VAMP7: variants seen among roughly 807,000 people sequenced by gnomAD.
VAMP7 encodes vesicle-associated membrane protein 7.
In VAMP7, 14 loss-of-function variants were observed where a neutral mutation model predicts 29.6. That is an observed-to-expected ratio of 0.47 (90% CI 0.31 to 0.74). The LOEUF (loss-of-function observed/expected upper bound fraction) is 0.74, where lower values mean the gene tolerates loss of function less well. VAMP7 is among the 30% of genes least tolerant of loss of function. VAMP7 has a pLI of 0.05. For missense variants in VAMP7, 223 were observed against 262.4 expected, an observed-to-expected ratio of 0.85 and a Z score of 1.04; for synonymous variants, 95 against 88.1, an observed-to-expected ratio of 1.08 and a Z score of -0.44.
At chrX:155,897,552 AAC>A (rs1190300797) in intron 3 of VAMP7, among the ~76,000 whole-genome samples, 1 of 152,140 alleles carries the variant, frequency 6.6e-6, no homozygotes, top group Non-Finnish European at 1.5e-5. Flanking sequence ...TGTATACATA[AAC>A]ACACATACAC....
intron 6 of VAMP7, among the ~76,000 whole-genome samples, chrX:155,923,778 C>G (rs1441700528): frequency 1.3e-5 from 2 of 152,038 alleles, no homozygotes; most frequent in Non-Finnish European, 2.9e-5. Context: ...GAAGCTGTCC[C>G]ACAACTCACT....
intron 6 of VAMP7, among the ~76,000 whole-genome samples, chrX:155,938,714 G>A (rs770899008): frequency 6.6e-6 from 1 of 152,286 alleles, no homozygotes; most frequent in South Asian, 2.1e-4. Flanking sequence ...TACTCAGGAG[G>A]CTGAGGTGGG....
intron 6 of VAMP7, among the ~76,000 whole-genome samples, chrX:155,929,181 C>G (rs1469853756): frequency 6.6e-6 from 1 of 152,110 alleles, no homozygotes; most frequent in Non-Finnish European, 1.5e-5. Context: ...ACAGTTTACA[C>G]GTTTTTTATT....
At chrX:155,904,977 C>T (rs776397866) in intron 5 of VAMP7, among the ~76,000 whole-genome samples, 147 of 150,752 alleles carry the variant, frequency 9.8e-4, no homozygotes, top group African/African-American at 3.4e-3. Flanking sequence ...GATCACATGG[C>T]AACTTTGTAA....
At chrX:155,902,557 T>C (rs1245080969) in intron 5 of VAMP7, among the ~76,000 whole-genome samples, 1 of 151,178 alleles carries the variant, frequency 6.6e-6, no homozygotes, top group Admixed American at 6.6e-5. Context: ...ATACCTAATT[T>C]ATTGAGAGTT....
chrX:155,907,157 G>A (rs2066158581), intron 5 of VAMP7, among the ~76,000 whole-genome samples: 1 of 151,950 alleles, frequency 6.6e-6, no homozygotes, highest in African/African-American at 2.4e-5. Context: ...CTGCATCATG[G>A]TGTATAGTCC....
intron 1 of VAMP7, 74 bp from the exon 2 acceptor site, chrX:155,889,384 A>G (rs2065900710): frequency 6.4e-7 from 1 of 1,550,978 alleles, no homozygotes; most frequent in Non-Finnish European, 8.7e-7. Flanking sequence ...GTATGTTGAT[A>G]AATGATAGTA....
At chrX:155,921,936 C>T (rs2066402035) in intron 6 of VAMP7, among the ~76,000 whole-genome samples, 1 of 151,932 alleles carries the variant, frequency 6.6e-6, no homozygotes, top group Admixed American at 6.6e-5. Flanking sequence ...GTTTTTCGGT[C>T]CATGAACGTG....
chrX:155,905,537 C>T (rs908903273), intron 5 of VAMP7, among the ~76,000 whole-genome samples: 2 of 152,062 alleles, frequency 1.3e-5, no homozygotes, highest in African/African-American at 4.8e-5. Flanking sequence ...CTAGTTTTAG[C>T]TCTTACATTT....
intron 2 of VAMP7, among the ~76,000 whole-genome samples, chrX:155,894,229 G>A (rs2065958031): frequency 2.0e-5 from 3 of 149,518 alleles, no homozygotes; most frequent in South Asian, 2.1e-4. Context: ...TTTCTTACCC[G>A]GTATACTGCA....
chrX:155,900,812 T>C (rs188719853), intron 5 of VAMP7, among the ~76,000 whole-genome samples: 1 of 152,244 alleles, frequency 6.6e-6, no homozygotes, highest in Admixed American at 6.5e-5. Flanking sequence ...TTAACAAGAC[T>C]AATTTCTAAG....
At chrX:155,915,835 T>G (rs1267105585) in intron 5 of VAMP7, among the ~76,000 whole-genome samples, 2 of 152,202 alleles carry the variant, frequency 1.3e-5, no homozygotes, top group Non-Finnish European at 2.9e-5. Flanking sequence ...AGAATGTATA[T>G]TCTGTTGATT....
intron 5 of VAMP7, among the ~76,000 whole-genome samples, chrX:155,902,622 A>G (rs1430250690): frequency 2.0e-5 from 3 of 152,050 alleles, no homozygotes. Context: ...ATCTATTGAG[A>G]TAATCATGTG....
intron 1 of VAMP7, among the ~76,000 whole-genome samples, chrX:155,888,806 A>G (rs186410362): frequency 6.6e-6 from 1 of 152,292 alleles, no homozygotes; most frequent in African/African-American, 2.4e-5. Context: ...CATACTGCCT[A>G]GGTTTAAATT....
rs2066773575 is a variant in VAMP7, at chrX:155,943,258, G to T, written c.*1307G>T. On this transcript the variant is annotated 3_prime_UTR_variant, in exon 8 of 8. Transcript: ENST00000286448. The stretch of plus-strand genomic sequence containing the variant: ...TACATTTTACACTTTCTCAATGAAT[G>T]AACAAATTAGTCTGTAGAATCTAGC... 6.6e-6 allele frequency: 1 copy of T among 151,576 alleles called. No homozygotes were observed. The highest frequency in any genetic ancestry group is 2.1e-4 in the South Asian group (1 of 4,726). 9.4% of individuals were successfully genotyped at this position (151,576 alleles called of 1,614,324 possible).
At chrX:155,934,508 G>A (rs1049377142) in intron 6 of VAMP7, among the ~76,000 whole-genome samples, 14 of 152,110 alleles carry the variant, frequency 9.2e-5, no homozygotes, top group Admixed American at 2.0e-4. Flanking sequence ...TTTTATCAGA[G>A]ACTAGGATTG....
At chrX:155,935,962 C>A (rs1306584742) in intron 6 of VAMP7, among the ~76,000 whole-genome samples, 11 of 152,148 alleles carry the variant, frequency 7.2e-5, no homozygotes, top group Admixed American at 3.9e-4. Flanking sequence ...TGTCGGAGGG[C>A]CACTCCAGAC....
chrX:155,939,579 C>A, intron 6 of VAMP7, 122 bp from the exon 7 acceptor site: 1 of 772,332 alleles, frequency 1.3e-6, no homozygotes, highest in South Asian at 1.5e-5. Context: ...CCAGTCTCTA[C>A]TTGTAAAGAG....
intron 6 of VAMP7, among the ~76,000 whole-genome samples, chrX:155,926,313 A>G (rs2066466188): frequency 6.6e-6 from 1 of 152,216 alleles, no homozygotes; most frequent in Non-Finnish European, 1.5e-5. Context: ...TAGTATAGCC[A>G]CCTTTATCAA....
Sources: allele counts gnomAD v4.1 joint callset (sites outside exome capture counted in the v4.1 genomes callset), GRCh38; gene constraint gnomAD v4.1.1; transcripts MANE v1.5; gene names NCBI Gene and HGNC (gene_info 2026-07-23, HGNC 2026-07-21).